The following PLEKHH2 variants were observed in gnomAD, a reference collection of about 807,000 sequenced individuals.
PLEKHH2 encodes pleckstrin homology domain-containing family H member 2.
PLEKHH2 carries 129 observed loss-of-function variants against 187.9 expected under a neutral mutation model. The ratio of observed to expected loss-of-function variants is 0.69; its 90% CI spans 0.59 to 0.79. The LOEUF is 0.79. Ranked by LOEUF, PLEKHH2 falls within the 30% of genes least tolerant of loss-of-function variation. The probability of loss-of-function intolerance (pLI) is 0.00; values close to 1 mark genes in which losing one functional copy is unlikely to be tolerated. For synonymous variants in PLEKHH2, 686 were observed against 605.6 expected (o/e 1.13, Z -1.95); for missense variants, 2,076 against 1,751.2 (o/e 1.19, Z -3.31).
Position 43,757,106 on chromosome 2 carries a change from G to T in PLEKHH2, c.3796-13G>T. The stretch of plus-strand genomic sequence containing the variant: ...TTTTCAATATATTTTCACTTTTGTG[G>T]ATTTCCAATTAGGTAGAGATTGGAG... On this transcript the variant is annotated splice_polypyrimidine_tract_variant and intron_variant, in intron 25 of 29. Transcript: ENST00000282406. The T allele has an allele frequency of 6.5e-7, 1 of 1,546,276 alleles. No individual in the cohort carries two copies. Among genetic ancestry groups the T allele is most frequent in the African/African-American group, 1.4e-5 (1 of 71,114 alleles).
chr2:43,666,965 C>T (rs1667249553), intron 2 of PLEKHH2, among the ~76,000 whole-genome samples: 1 of 152,042 alleles, frequency 6.6e-6, no homozygotes, highest in Admixed American at 6.6e-5. Context: ...TAAGTAATGG[C>T]TTAGTATCTC....
intron 25 of PLEKHH2, among the ~76,000 whole-genome samples, chr2:43,756,156 G>C (rs1317391835): frequency 6.6e-6 from 1 of 152,050 alleles, no homozygotes; most frequent in African/African-American, 2.4e-5. Flanking sequence ...TCTATTCCCG[G>C]GATTAATGCT....
At chr2:43,699,449 C>G (rs1306414365) in intron 7 of PLEKHH2, among the ~76,000 whole-genome samples, 198 bp from the exon 8 acceptor site, 3 of 152,146 alleles carry the variant, frequency 2.0e-5, no homozygotes, top group African/African-American at 7.2e-5. Context: ...CTGATCATAG[C>G]TCACTGCAGA....
Position 43,731,612 on chromosome 2 carries a change from T to G in PLEKHH2, c.2943+10T>G, listed in dbSNP as rs541430979. The G allele has an allele frequency of 4.1e-6, 6 of 1,450,664 alleles. No homozygotes were observed. The East Asian group carries it at 9.2e-5, about 22-fold the overall frequency. The allele number at this position is 1,450,664 out of a possible 1,614,324, so 89.9% of individuals were successfully genotyped here. On this transcript the variant is annotated intron_variant, in intron 19 of 29. Coordinates refer to ENST00000282406, the MANE Select transcript of PLEKHH2 (RefSeq NM_172069.4). Reference sequence around the variant, plus strand: ...TATTAAATTATTTAAGGTAAAATATTTATATGTTGTTAAATGATTTAAGGT... The same window carrying G: ...TATTAAATTATTTAAGGTAAAATATGTATATGTTGTTAAATGATTTAAGGT...
intron 27 of PLEKHH2, 30 bp downstream of exon 27, chr2:43,759,059 T>C: frequency 6.3e-7 from 1 of 1,599,986 alleles, no homozygotes; most frequent in East Asian, 2.3e-5. Context: ...AGATGCATAA[T>C]GAAAACCTTT....
intron 2 of PLEKHH2, among the ~76,000 whole-genome samples, chr2:43,660,617 C>T (rs1667024187): frequency 8.3e-6 from 1 of 120,376 alleles, no homozygotes; most frequent in Non-Finnish European, 1.7e-5. Context: ...CACCCCTCCC[C>T]CCTCCCCCCA....
intron 6 of PLEKHH2, among the ~76,000 whole-genome samples, chr2:43,695,802 A>G (rs1669057343): frequency 6.6e-6 from 1 of 152,172 alleles, no homozygotes; most frequent in African/African-American, 2.4e-5. Flanking sequence ...TAGAGAATAG[A>G]CCTTTTAATG....
Position 43,678,836 on chromosome 2 carries a change from G to T in PLEKHH2, c.124-27G>T, listed in dbSNP as rs549591323. The T allele has an allele frequency of 1.8e-5, 28 of 1,529,380 alleles. 1 individual carries two copies. The East Asian group carries it at 6.4e-4, about 35-fold the overall frequency. The allele number at this position is 1,529,380 out of a possible 1,614,324, so 94.7% of individuals were successfully genotyped here. A position where few individuals can be genotyped will look rare whatever the true frequency, so the allele number is the denominator to read the frequency against. On this transcript the variant is annotated intron_variant, in intron 2 of 29. Coordinates refer to ENST00000282406, the MANE Select transcript of PLEKHH2 (RefSeq NM_172069.4). Reference sequence around the variant, plus strand: ...GCTCATTTTTCAAAAATAAATTTTTGTATTTATATTTTCCCTCACTCTACA... The same window carrying T: ...GCTCATTTTTCAAAAATAAATTTTTTTATTTATATTTTCCCTCACTCTACA...
At chr2:43,708,118 G>C (rs1669752366) in intron 11 of PLEKHH2, among the ~76,000 whole-genome samples, 1 of 152,138 alleles carries the variant, frequency 6.6e-6, no homozygotes, top group Non-Finnish European at 1.5e-5. Flanking sequence ...GGAACCTCTG[G>C]ATACTTCCAA....
rs375101312 is a variant in PLEKHH2 at position 43,731,575 on chromosome 2, G to C, written c.2916G>C (p.Leu972=). ...SPLTTLPSEA[L]QTEAIKLFKT... ...TGACAACTCTACCTTCCGAAGCCCT[G>C]CAGACAGAAGCTATTAAATTATTTA... Residue 972 remains leucine, a synonymous_variant, in exon 19 of 30, where the codon CTG becomes CTC. Coordinates refer to ENST00000282406, the MANE Select transcript of PLEKHH2 (RefSeq NM_172069.4). The C allele has an allele frequency of 9.5e-5, 150 of 1,578,508 alleles. No homozygotes were observed. The Middle Eastern group carries it at 1.3e-3, about 14-fold the overall frequency.
At chr2:43,720,632 TG>T (rs1670435848) in intron 15 of PLEKHH2, 36 bp from the exon 16 acceptor site, 1 of 1,602,576 alleles carries the variant, frequency 6.2e-7, no homozygotes, top group African/African-American at 1.3e-5. Context: ...GTCAGAGTTC[TG>T]GGCTAAACTT....
Position 43,753,655 on chromosome 2 carries a change from T to G in PLEKHH2, c.3690T>G (p.Asp1230Glu). ...YFSVQARGET[D>E]REKLLLMYQT... is the part of the protein sequence containing the mutation. Reference sequence around the variant, plus strand: ...CAGTGCAAGCTCGTGGAGAGACTGATAGAGAAAAGTTGCTGTTAATGTATC... The same window carrying G: ...CAGTGCAAGCTCGTGGAGAGACTGAGAGAGAAAAGTTGCTGTTAATGTATC... Residue 1230 changes from aspartate to glutamate, a missense_variant, in exon 25 of 30, where the codon GAT (aspartate) becomes GAG (glutamate). By Grantham distance (45) the Asp-to-Glu change is conservative (BLOSUM62 2). Coordinates refer to ENST00000282406, the MANE Select transcript of PLEKHH2 (RefSeq NM_172069.4). 1 of 1,571,398 alleles carries G rather than the reference T, an allele frequency of 6.4e-7. No homozygotes were observed. The highest frequency in any genetic ancestry group is 8.6e-7 in the Non-Finnish European group (1 of 1,162,158).
At chr2:43,675,284 A>T in intron 2 of PLEKHH2, 1 of 732,272 alleles carries the variant, frequency 1.4e-6, no homozygotes, top group East Asian at 2.8e-5. Context: ...TATTGAATGA[A>T]GTACGTATTT....
chr2:43,742,655 G>C lies in PLEKHH2; in HGVS notation c.3222-86G>C. 3 of 1,034,882 alleles carry C rather than the reference G, an allele frequency of 2.9e-6. No homozygotes were observed. In the South Asian group the frequency reaches 6.4e-5, roughly 22 times the overall value. The allele number at this position is 1,034,882 out of a possible 1,614,324, so 64.1% of individuals were successfully genotyped here. The stretch of plus-strand genomic sequence containing the variant: ...AATTAGCCTAATACATTGTGATAAT[G>C]TACACGGATGCTTTCTTAATGGTTG... On this transcript the variant is annotated intron_variant, in intron 21 of 29. Transcript: ENST00000282406.
chr2:43,696,139 T>A (rs559555270), intron 6 of PLEKHH2, among the ~76,000 whole-genome samples: 1 of 151,940 alleles, frequency 6.6e-6, no homozygotes, highest in Non-Finnish European at 1.5e-5. Context: ...TTGGTCTATT[T>A]AAAAAAAACA....
intron 16 of PLEKHH2, among the ~76,000 whole-genome samples, chr2:43,722,048 C>G (rs551931490): frequency 6.6e-6 from 1 of 150,776 alleles, no homozygotes; most frequent in Non-Finnish European, 1.5e-5. Context: ...TGTAAAAGAT[C>G]TAATGCCACC....
intron 27 of PLEKHH2, among the ~76,000 whole-genome samples, chr2:43,761,306 A>G (rs1263441449): frequency 6.6e-6 from 1 of 152,178 alleles, no homozygotes; most frequent in Non-Finnish European, 1.5e-5. Context: ...TTAATTGCTC[A>G]AAAACATTCA....
intron 24 of PLEKHH2, among the ~76,000 whole-genome samples, chr2:43,750,918 G>A (rs1312713576): frequency 6.6e-6 from 1 of 152,176 alleles, no homozygotes; most frequent in Non-Finnish European, 1.5e-5. Flanking sequence ...TGAAGTCTTA[G>A]CAATGCAATC....
At chr2:43,677,049 T>C (rs1273765229) in intron 2 of PLEKHH2, among the ~76,000 whole-genome samples, 2 of 152,220 alleles carry the variant, frequency 1.3e-5, no homozygotes, top group African/African-American at 2.4e-5. Flanking sequence ...ATGAATACTC[T>C]TGAGGTATAT....
Sources: allele counts gnomAD v4.1 joint callset (sites outside exome capture counted in the v4.1 genomes callset), GRCh38; gene constraint gnomAD v4.1.1; transcripts MANE v1.5; gene names NCBI Gene and HGNC (gene_info 2026-07-23, HGNC 2026-07-21).